ARHGEF38: variants seen among roughly 807,000 people sequenced by gnomAD.
ARHGEF38 encodes the protein Rho guanine nucleotide exchange factor (GEF) 38.
A neutral mutation model predicts 79.9 loss-of-function variants in ARHGEF38; 79 were observed. The ratio of observed to expected loss-of-function variants is 0.99; its 90% confidence interval spans 0.82 to 1.19. The LOEUF (loss-of-function observed/expected upper bound fraction) is 1.19. Ranked by LOEUF, ARHGEF38 falls within the 50% of genes most tolerant of loss-of-function variation. ARHGEF38 has a pLI of 0.00. For missense variants in ARHGEF38, 962 were observed against 907.2 expected (o/e 1.06, Z -0.78); for synonymous variants, 366 against 328.3 (o/e 1.11, Z -1.24).
intron 13 of ARHGEF38, 38 bp downstream of exon 13, chr4:105,667,741 C>T: frequency 1.3e-6 from 2 of 1,533,200 alleles, no homozygotes; most frequent in Non-Finnish European, 1.7e-6. Flanking sequence ...TTGTTCAAAT[C>T]ATGAAAGAGT....
chr4:105,598,489 C>T lies in ARHGEF38; in HGVS notation c.384+9054C>T, dbSNP rs543707445. Among the ~76,000 whole-genome samples, 8 of 152,316 alleles carry T rather than the reference C, an allele frequency of 5.3e-5. No homozygotes were observed. In the East Asian group the frequency reaches 1.3e-3, roughly 26 times the overall value. ...TCAAAAGAAATATACCTGCCTTTCT[C>T]ATTCTACTTTGTATTGGCCTTTCTG... On this transcript the variant is annotated intron_variant, in intron 2 of 13. Coordinates refer to ENST00000420470, the MANE Select transcript of ARHGEF38 (RefSeq NM_001242729.2).
chr4:105,561,469 A>AGAATGGAATGGAATG (rs1491172509), intron 1 of ARHGEF38: 522 of 49,652 alleles, frequency 0.011, 52 homozygotes, highest in Middle Eastern at 0.038. Context: ...AGAATAGAAT[A>AGAATGGAATGGAATG]GAATAGAATA....
chr4:105,648,268 G>A (rs554708788), intron 6 of ARHGEF38, among the ~76,000 whole-genome samples: 32 of 152,096 alleles, frequency 2.1e-4, no homozygotes, highest in South Asian at 8.3e-4. Context: ...AGACGAGAGG[G>A]AGAACTTTTT....
At chr4:105,623,034 C>A (rs1051671284) in intron 3 of ARHGEF38, among the ~76,000 whole-genome samples, 1 of 152,154 alleles carries the variant, frequency 6.6e-6, no homozygotes, top group Non-Finnish European at 1.5e-5. Flanking sequence ...ATGGATTCCA[C>A]ATGCATTTGT....
intron 10 of ARHGEF38, among the ~76,000 whole-genome samples, chr4:105,661,002 G>A (rs545895582): frequency 6.6e-6 from 1 of 152,158 alleles, no homozygotes; most frequent in South Asian, 2.1e-4. Context: ...AACCTCCCCA[G>A]CTCTAGGCAA....
Position 105,639,291 on chromosome 4 carries a change from A to G in ARHGEF38, c.674+2871A>G, listed in dbSNP as rs559077554. Among the ~76,000 whole-genome samples, 8 of 152,008 alleles carry G rather than the reference A, an allele frequency of 5.3e-5. No homozygotes were observed. In the East Asian group the frequency reaches 1.5e-3, roughly 29 times the overall value. On this transcript the variant is annotated intron_variant, in intron 5 of 13. Coordinates refer to ENST00000420470, the MANE Select transcript of ARHGEF38 (RefSeq NM_001242729.2). ...ATTAGTGCATATTAACCTTTGTCTT[A>G]TGTATTATATATAATTTTTCCAGTT...
At chr4:105,631,750 G>T (rs1729202680) in intron 4 of ARHGEF38, 1 of 843,794 alleles carries the variant, frequency 1.2e-6, no homozygotes, top group Non-Finnish European at 1.4e-6. Flanking sequence ...GTGGGTATGT[G>T]TTTGGATTGA....
chr4:105,647,888 ATTT>A (rs769532644), intron 6 of ARHGEF38, among the ~76,000 whole-genome samples: 5 of 119,574 alleles, frequency 4.2e-5, no homozygotes, highest in Admixed American at 1.7e-4. Context: ...TTTCTTTTCT[ATTT>A]TTTTTTTTTT....
chr4:105,656,963 G>T (rs369791820), intron 9 of ARHGEF38, among the ~76,000 whole-genome samples: 2 of 152,062 alleles, frequency 1.3e-5, no homozygotes, highest in African/African-American at 4.8e-5. Flanking sequence ...ACAGGTCAAC[G>T]ACAGATGAAT....
At position 105,648,672 on chromosome 4, in the gene ARHGEF38, G is replaced by A; in HGVS notation, c.998G>A (p.Gly333Glu). ...VTNHLKILTR[G>E]ESQVKDNTFN... ...AATCATCTGAAGATTCTGACCAGAG[G>A]AGAATCACAGGTAATTTTTCTTCTT... Residue 333 changes from glycine to glutamate, a missense_variant, in exon 7 of 14, where the codon GGA becomes GAA. Coordinates refer to ENST00000420470, the MANE Select transcript of ARHGEF38 (RefSeq NM_001242729.2). 6.6e-7 allele frequency: 1 copy of A among 1,514,372 alleles called. No homozygotes were observed. Among genetic ancestry groups the A allele is most frequent in the Non-Finnish European group, 8.8e-7 (1 of 1,139,760 alleles). 93.8% of individuals were successfully genotyped at this position (1,514,372 alleles called of 1,614,324 possible).
chr4:105,628,766 G>T lies in ARHGEF38; in HGVS notation c.509-2132G>T, dbSNP rs1295610416. 5.3e-5 allele frequency among the ~76,000 whole-genome samples: 8 copies of T among 151,912 alleles called. No homozygotes were observed. In the South Asian group the frequency reaches 1.2e-3, roughly 24 times the overall value. ...GCACATTATCTCACATTACCTCAGA[G>T]TCTAACTATAAGCATATAATCACAG... is the stretch of plus-strand genomic sequence containing the variant. On this transcript the variant is annotated intron_variant, in intron 3 of 13. Transcript: ENST00000420470.
chr4:105,580,158 C>A lies in ARHGEF38; in HGVS notation c.197-9090C>A, dbSNP rs557061162. 2.6e-5 allele frequency among the ~76,000 whole-genome samples: 4 copies of A among 151,780 alleles called. No homozygotes were observed. In the South Asian group the frequency reaches 6.3e-4, roughly 24 times the overall value. ...TAGCAGTCTATCTTATTAATTTTTT[C>A]AAAAAAACTAGATCTTGGATTCATT... On this transcript the variant is annotated intron_variant, in intron 1 of 13. Coordinates refer to ENST00000420470, the MANE Select transcript of ARHGEF38 (RefSeq NM_001242729.2).
intron 3 of ARHGEF38, among the ~76,000 whole-genome samples, chr4:105,621,379 T>C (rs1214069556): frequency 6.6e-6 from 1 of 152,240 alleles, no homozygotes; most frequent in Non-Finnish European, 1.5e-5. Context: ...ATGAACATGC[T>C]TGAGTCTACT....
At chr4:105,563,021 T>C (rs1725711316) in intron 1 of ARHGEF38, among the ~76,000 whole-genome samples, 1 of 152,128 alleles carries the variant, frequency 6.6e-6, no homozygotes, top group South Asian at 2.1e-4. Flanking sequence ...TTTGGGGATG[T>C]GGCTATCTTG....
intron 1 of ARHGEF38, among the ~76,000 whole-genome samples, chr4:105,566,076 T>A (rs888512597): frequency 9.9e-5 from 15 of 152,166 alleles, no homozygotes; most frequent in African/African-American, 2.7e-4. Flanking sequence ...GCCAAAGTGA[T>A]CTTGCTAAGA....
intron 10 of ARHGEF38, among the ~76,000 whole-genome samples, chr4:105,662,053 C>T (rs1730584399): frequency 6.6e-6 from 1 of 152,160 alleles, no homozygotes; most frequent in Non-Finnish European, 1.5e-5. Flanking sequence ...CCCTGCTTAA[C>T]TATGTACCAT....
chr4:105,589,216 A>T, intron 1 of ARHGEF38, 32 bp from the exon 2 acceptor site: 1 of 1,559,912 alleles, frequency 6.4e-7, no homozygotes, highest in South Asian at 1.2e-5. Flanking sequence ...CCTCAGCAGA[A>T]TGCCTCACCT....
At chr4:105,560,070 TC>T (rs1427622258) in intron 1 of ARHGEF38, among the ~76,000 whole-genome samples, 1 of 152,192 alleles carries the variant, frequency 6.6e-6, no homozygotes. Flanking sequence ...TACTAAGAAG[TC>T]AAAGCCATTT....
At chr4:105,634,776 AT>A (rs1273277645) in intron 4 of ARHGEF38, among the ~76,000 whole-genome samples, 8 of 152,106 alleles carry the variant, frequency 5.3e-5, no homozygotes, top group Admixed American at 1.3e-4. Flanking sequence ...GTTGTTATAA[AT>A]GTATCTGTAT....
Sources: allele counts gnomAD v4.1 joint callset (sites outside exome capture counted in the v4.1 genomes callset), GRCh38; gene constraint gnomAD v4.1.1; transcripts MANE v1.5; gene names NCBI Gene and HGNC (gene_info 2026-07-23, HGNC 2026-07-21).